ITGA6: variants seen among roughly 807,000 people sequenced by gnomAD.
ITGA6 encodes integrin alpha-6.
A neutral mutation model predicts 133.6 loss-of-function variants in ITGA6; 63 were observed. The observed-to-expected ratio is 0.47, with a 90% CI of 0.38 to 0.58. The LOEUF (loss-of-function observed/expected upper bound fraction) is 0.58. ITGA6 is among the 20% of genes least tolerant of loss of function. The pLI, the probability that ITGA6 is intolerant of heterozygous loss-of-function variation, is 0.00. For synonymous variants in ITGA6, 434 were observed against 482.0 expected (o/e 0.90, Z 1.30); for missense variants, 1,068 against 1,309.4 (o/e 0.82, Z 2.85).
rs1386285492 is a variant in ITGA6 at position 172,489,368 on chromosome 2, GCTTTTATTATAGGATTA to G, written c.2506-115_2506-99del. 6.2e-6 allele frequency: 5 copies of G among 803,894 alleles called. No individual in the cohort carries two copies. The Admixed American group carries it at 1.1e-4, about 18-fold the overall frequency. 49.8% of individuals were successfully genotyped at this position (803,894 alleles called of 1,614,324 possible). ...TCTATAGTCCATTTTTGGAGCCTGT[GCTTTTATTATAGGATTA>G]CGTTAGATATTTTAGCTTCTTTCTC... On this transcript the variant is annotated intron_variant, in intron 19 of 25. Coordinates refer to ENST00000684293, the MANE Select transcript of ITGA6 (RefSeq NM_000210.4).
At chr2:172,428,009 G>T (rs765897110) in intron 1 of ITGA6, 39 bp downstream of exon 1, 18 of 1,575,592 alleles carry the variant, frequency 1.1e-5, no homozygotes, top group Non-Finnish European at 1.5e-5. Flanking sequence ...CTGGGGCGCC[G>T]GCCTGCGCGC....
At chr2:172,464,490 C>G (rs189744794) in intron 1 of ITGA6, 10 of 152,334 alleles carry the variant, frequency 6.6e-5, no homozygotes, top group Non-Finnish European at 1.2e-4. Context: ...CTTGGTTTAT[C>G]TCTGTCCAGT....
chr2:172,462,034 T>C (rs187257507), intron 1 of ITGA6, among the ~76,000 whole-genome samples: 169 of 152,342 alleles, frequency 1.1e-3, no homozygotes, highest in African/African-American at 4.0e-3. Context: ...ATTAAGAGCC[T>C]TTGCTTGTTT....
intron 23 of ITGA6, among the ~76,000 whole-genome samples, chr2:172,497,250 G>A (rs1687162025): frequency 6.6e-6 from 1 of 152,080 alleles, no homozygotes; most frequent in Admixed American, 6.6e-5. Context: ...TCATACTTAT[G>A]ATACCCACAC....
At chr2:172,460,322 G>A (rs1300487550) in intron 1 of ITGA6, among the ~76,000 whole-genome samples, 2 of 152,166 alleles carry the variant, frequency 1.3e-5, no homozygotes, top group East Asian at 3.9e-4. Flanking sequence ...AAGTTTGGAA[G>A]GAAGAATCCA....
At position 172,427,969 on chromosome 2, in the gene ITGA6, CTG is replaced by C. The variant is rs758359210; in HGVS notation, c.182+2_182+3del. On this transcript the variant is annotated splice_donor_variant and coding_sequence_variant, in exon 1 of 26. Transcript: ENST00000684293. LOFTEE classifies it high-confidence loss of function. ...GCAACTGCAGCCCGAGGACAAGCGGCTGTGAGTTCCCAGACCCTTCCCACCCC... is the reference window on the plus strand; with the variant it reads ...GCAACTGCAGCCCGAGGACAAGCGGCTGAGTTCCCAGACCCTTCCCACCCC... 6.2e-7 allele frequency: 1 copy of C among 1,603,680 alleles called. No homozygotes were observed. Among genetic ancestry groups the C allele is most frequent in the Non-Finnish European group, 8.5e-7 (1 of 1,175,862 alleles).
intron 1 of ITGA6, among the ~76,000 whole-genome samples, chr2:172,434,409 C>G (rs936688380): frequency 6.6e-6 from 1 of 152,136 alleles, no homozygotes; most frequent in Admixed American, 6.5e-5. Context: ...CTTAGATAAA[C>G]AAGGCAAGAC....
Position 172,487,720 on chromosome 2 carries a change from T to A in ITGA6, c.2245-8T>A. On this transcript the variant is annotated splice_polypyrimidine_tract_variant and splice_region_variant and intron_variant, in intron 16 of 25. Transcript: ENST00000684293. ...GGCCTGTGTTAACAGCTATTTATGT[T>A]TTTTTAGGTCACTTTTTATTTGGTT... 1 of 1,600,982 alleles carries A rather than the reference T, an allele frequency of 6.2e-7. No individual in the cohort carries two copies. The highest frequency in any genetic ancestry group is 8.5e-7 in the Non-Finnish European group (1 of 1,176,022).
intron 13 of ITGA6, among the ~76,000 whole-genome samples, chr2:172,486,650 T>C (rs1444091936): frequency 6.6e-6 from 1 of 152,202 alleles, no homozygotes; most frequent in Non-Finnish European, 1.5e-5. Flanking sequence ...ATACTTCTTA[T>C]AGTAGCCCTA....
At chr2:172,479,539 T>A in intron 9 of ITGA6, 102 bp from the exon 10 acceptor site, 1 of 942,194 alleles carries the variant, frequency 1.1e-6, no homozygotes, top group Non-Finnish European at 1.8e-6. Context: ...TCCTGTGTTT[T>A]TAAGCTGTGC....
chr2:172,454,221 C>T (rs972488331), intron 1 of ITGA6, among the ~76,000 whole-genome samples: 3 of 151,824 alleles, frequency 2.0e-5, no homozygotes, highest in Non-Finnish European at 4.4e-5. Flanking sequence ...GTAGCTAGGA[C>T]TACAGGTGCG....
At chr2:172,502,003 T>G in intron 25 of ITGA6, 102 bp downstream of exon 25, 1 of 979,974 alleles carries the variant, frequency 1.0e-6, no homozygotes, top group Admixed American at 2.2e-5. Flanking sequence ...CATTAACAGA[T>G]GTTTCCAAAT....
In ITGA6 at chr2:172,465,643, G is replaced by A. The variant is rs759165416; in HGVS notation, c.287G>A (p.Arg96Gln). 26 of 1,614,094 alleles carry A rather than the reference G, an allele frequency of 1.6e-5. No homozygotes were observed. The highest frequency in any genetic ancestry group is 1.2e-4 in the African/African-American group (9 of 74,940). Residue 96 changes from arginine to glutamine, a missense_variant, in exon 2 of 26, where the codon CGG (arginine) becomes CAG (glutamine). Arg to Gln is a conservative substitution (Grantham distance 43). Around this residue, in one of 3 missense-constraint regions of ITGA6, gnomAD observed 142 missense variants for 145.3 expected, o/e 0.98. Transcript: ENST00000684293. The stretch of plus-strand genomic sequence containing the variant: ...ATCACCGCCCGGGGGCCATGCACGC[G>A]GATCGAGTTTGATAACGATGGTGCG... ...CDITARGPCT[R>Q]IEFDNDADPT...
At chr2:172,441,030 T>G (rs1684515701) in intron 1 of ITGA6, among the ~76,000 whole-genome samples, 1 of 151,440 alleles carries the variant, frequency 6.6e-6, no homozygotes, top group Non-Finnish European at 1.5e-5. Flanking sequence ...TGCAAATACT[T>G]TCCTTGTTCA....
At chr2:172,439,404 A>G (rs950941831) in intron 1 of ITGA6, among the ~76,000 whole-genome samples, 3 of 151,852 alleles carry the variant, frequency 2.0e-5, no homozygotes, top group East Asian at 3.8e-4. Flanking sequence ...GATTATTGGT[A>G]TAGACCTTGA....
In ITGA6 at chr2:172,504,108, C is replaced by G; in HGVS notation, c.*40C>G. The stretch of plus-strand genomic sequence containing the variant: ...TTCTCTAGTGTGGATTCTTTAAACG[C>G]TCTAGGTACGATGACAGTGTTCCCC... On this transcript the variant is annotated 3_prime_UTR_variant, in exon 26 of 26. Transcript: ENST00000684293. 6.3e-7 allele frequency: 1 copy of G among 1,594,920 alleles called. No homozygotes were observed. The highest frequency in any genetic ancestry group is 8.5e-7 in the Non-Finnish European group (1 of 1,170,760).
At chr2:172,474,538 T>C (rs1574377892) in intron 6 of ITGA6, among the ~76,000 whole-genome samples, 1 of 152,186 alleles carries the variant, frequency 6.6e-6, no homozygotes, top group Admixed American at 6.5e-5. Flanking sequence ...AAAAATTGAC[T>C]CAGAAAACAC....
At chr2:172,471,861 TA>T (rs1394846451) in intron 5 of ITGA6, among the ~76,000 whole-genome samples, 1 of 127,034 alleles carries the variant, frequency 7.9e-6, no homozygotes, top group African/African-American at 3.1e-5. Context: ...GGAAAAAATG[TA>T]AAAAAAAGTC....
intron 13 of ITGA6, among the ~76,000 whole-genome samples, chr2:172,485,894 T>C (rs1323880700): frequency 1.3e-5 from 2 of 152,108 alleles, no homozygotes; most frequent in Non-Finnish European, 2.9e-5. Context: ...TAATTGATGA[T>C]GAACGGGTGT....
Sources: allele counts gnomAD v4.1 joint callset (sites outside exome capture counted in the v4.1 genomes callset), GRCh38; gene constraint gnomAD v4.1.1; regional missense constraint gnomAD v4.1.1; transcripts MANE v1.5; gene names NCBI Gene and HGNC (gene_info 2026-07-23, HGNC 2026-07-21).